The following CHD2 variants were observed in gnomAD, a reference collection of about 807,000 sequenced individuals.
CHD2 encodes chromodomain helicase DNA binding protein 2, also known as ATP-dependent chromatin remodeler CHD2.
Under a neutral mutation model 243.9 loss-of-function variants are expected in CHD2, and 28 were observed. The ratio of observed to expected loss-of-function variants is 0.11; its 90% CI spans 0.09 to 0.16. CHD2 has a LOEUF of 0.16. Among genes scored for constraint, CHD2 ranks in the 10% least tolerant of loss-of-function variants. CHD2 has a pLI of 1.00. For missense variants in CHD2, 1,386 were observed against 2,209.8 expected, an observed-to-expected ratio of 0.63 and a Z score of 7.47; for synonymous variants, 775 against 779.0, an observed-to-expected ratio of 0.99 and a Z score of 0.09.
At chr15:92,924,008 C>T (rs2053010697) in intron 2 of CHD2, among the ~76,000 whole-genome samples, 1 of 152,028 alleles carries the variant, frequency 6.6e-6, no homozygotes, top group Non-Finnish European at 1.5e-5. Flanking sequence ...TACTTATGAG[C>T]CTCAGTTCAG....
At chr15:92,906,173 G>A (rs538015878) in intron 2 of CHD2, among the ~76,000 whole-genome samples, 2 of 152,092 alleles carry the variant, frequency 1.3e-5, no homozygotes, top group South Asian at 4.2e-4. Context: ...TATGTTTGTT[G>A]AGCCTTCTAC....
intron 5 of CHD2, among the ~76,000 whole-genome samples, chr15:92,930,960 G>A (rs2053156292): frequency 6.6e-6 from 1 of 152,140 alleles, no homozygotes; most frequent in Admixed American, 6.5e-5. Flanking sequence ...TGGCCAGCTG[G>A]TGAGTATTGT....
intron 24 of CHD2, among the ~76,000 whole-genome samples, chr15:92,983,089 T>C (rs571679310): frequency 6.6e-6 from 1 of 152,282 alleles, no homozygotes; most frequent in Non-Finnish European, 1.5e-5. Context: ...GTCCCTTTTA[T>C]AAGGGCAGTA....
chr15:92,971,656 A>G, intron 17 of CHD2, 109 bp from the exon 18 acceptor site: 3 of 858,206 alleles, frequency 3.5e-6, no homozygotes, highest in South Asian at 6.8e-5. Context: ...AAACTTTTTT[A>G]GGCCTCTTTT....
intron 2 of CHD2, among the ~76,000 whole-genome samples, chr15:92,906,227 A>G (rs2052619031): frequency 6.6e-6 from 1 of 152,114 alleles, no homozygotes; most frequent in African/African-American, 2.4e-5. Flanking sequence ...GCAGCAAGAA[A>G]AGAGTGTTGA....
chr15:93,015,679 G>A (rs975149802), intron 37 of CHD2, among the ~76,000 whole-genome samples: 4 of 151,990 alleles, frequency 2.6e-5, no homozygotes, highest in South Asian at 2.1e-4. Context: ...GCAAATGCTC[G>A]ATTAAAAAGT....
intron 10 of CHD2, chr15:92,945,115 T>G (rs2053440805): frequency 6.6e-6 from 1 of 152,154 alleles, no homozygotes; most frequent in South Asian, 2.1e-4. Flanking sequence ...GAGAGAGTGG[T>G]GTACTGGAAG....
chr15:92,909,980 G>GTA (rs552634406), intron 2 of CHD2, among the ~76,000 whole-genome samples: 23 of 150,270 alleles, frequency 1.5e-4, no homozygotes, highest in East Asian at 1.4e-3. Context: ...ATGTATATAT[G>GTA]TATATATATA....
intron 38 of CHD2, chr15:93,021,816 A>C (rs902470351): frequency 1.3e-5 from 2 of 152,200 alleles, no homozygotes; most frequent in African/African-American, 4.8e-5. Flanking sequence ...GGTCAGTTTC[A>C]GTTGATACCT....
intron 3 of CHD2, 146 bp from the exon 4 acceptor site, chr15:92,927,098 T>A: frequency 1.6e-6 from 1 of 606,898 alleles, no homozygotes; most frequent in Non-Finnish European, 3.0e-6. Flanking sequence ...TTAAAAAAAA[T>A]GGCGCTTTAT....
intron 22 of CHD2, among the ~76,000 whole-genome samples, chr15:92,980,542 C>T (rs891767324): frequency 6.6e-6 from 1 of 152,152 alleles, no homozygotes; most frequent in Non-Finnish European, 1.5e-5. Flanking sequence ...GGAAAGAGCT[C>T]CATTCTATAA....
intron 2 of CHD2, among the ~76,000 whole-genome samples, chr15:92,909,346 G>C (rs2052685187): frequency 6.6e-6 from 1 of 152,128 alleles, no homozygotes; most frequent in African/African-American, 2.4e-5. Context: ...ACATTGGTGG[G>C]TTGTGAATTG....
intron 10 of CHD2, chr15:92,944,859 GAA>G (rs2053436369): frequency 6.9e-6 from 1 of 144,012 alleles, no homozygotes; most frequent in Non-Finnish European, 1.6e-5. Flanking sequence ...TCTAAGTGGA[GAA>G]TATAGTGAAG....
At chr15:92,951,565 A>G (rs2053554942) in intron 13 of CHD2, among the ~76,000 whole-genome samples, 1 of 152,356 alleles carries the variant, frequency 6.6e-6, no homozygotes, top group African/African-American at 2.4e-5. Flanking sequence ...ACTACATTAC[A>G]TAATGTGCTA....
At chr15:92,943,380 G>T in intron 9 of CHD2, 1 of 311,964 alleles carries the variant, frequency 3.2e-6, no homozygotes, top group Non-Finnish European at 6.1e-6. Flanking sequence ...ACGGCACACA[G>T]CAATTCTGCA....
intron 2 of CHD2, among the ~76,000 whole-genome samples, chr15:92,907,460 G>C (rs2052644210): frequency 6.6e-6 from 1 of 152,166 alleles, no homozygotes; most frequent in African/African-American, 2.4e-5. Context: ...CAGGATTGTA[G>C]AGATAGTCTT....
Position 93,020,299 on chromosome 15 carries a change from C to T in CHD2, c.5153+41C>T, listed in dbSNP as rs140832044. 4.3e-6 allele frequency: 7 copies of T among 1,613,006 alleles called. No individual in the cohort carries two copies. The African/African-American group carries it at 8.0e-5, about 18-fold the overall frequency. ...TGAGACACCAGGTGCCAACCTTTGC[C>T]AGGAGCTGTTTCTAGGGAGAAAGTG... On this transcript the variant is annotated intron_variant, in intron 38 of 38. Transcript: ENST00000394196.
chr15:92,934,424 AG>A (rs147639991), intron 5 of CHD2, among the ~76,000 whole-genome samples: 173 of 152,006 alleles, frequency 1.1e-3, no homozygotes, highest in Non-Finnish European at 2.0e-3. Flanking sequence ...TACAGTATCT[AG>A]GGGGGACTCT....
chr15:93,012,438 A>G lies in CHD2; in HGVS notation c.4686A>G (p.Glu1562=), dbSNP rs1453446687. The change falls in exon 36 of 39, where the codon GAA becomes GAG. Residue 1562 remains glutamate, a synonymous_variant. Coordinates refer to ENST00000394196, the MANE Select transcript of CHD2 (RefSeq NM_001271.4). ...TGGCTCATAAGAAAAGGTCTCAAGAAGAAGAGGTAAAGTACAAATTCAGTC... is the reference window on the plus strand; with the variant it reads ...TGGCTCATAAGAAAAGGTCTCAAGAGGAAGAGGTAAAGTACAAATTCAGTC... ...YKMAHKKRSQ[E]EEEQKKKDDV... The G allele has an allele frequency of 6.3e-7, 1 of 1,593,398 alleles. No individual in the cohort carries two copies. The highest frequency in any genetic ancestry group is 1.8e-5 in the Admixed American group (1 of 56,796).
Sources: gnomAD v4.1 joint callset for allele counts (sites outside exome capture counted in the v4.1 genomes callset) on GRCh38, gnomAD v4.1.1 for gene constraint, MANE v1.5 for transcripts, NCBI Gene and HGNC (gene_info 2026-07-23, HGNC 2026-07-21) for gene names.